GRIK2: variants seen among roughly 807,000 people sequenced by gnomAD.
The protein encoded by GRIK2 is glutamate receptor ionotropic, kainate 2.
A neutral mutation model predicts 100.3 loss-of-function variants in GRIK2; 32 were observed. The observed-to-expected ratio is 0.32, with a 90% CI of 0.24 to 0.43. The LOEUF is 0.43. GRIK2 is among the 20% of genes least tolerant of loss of function. GRIK2 has a pLI of 1.00. For missense variants in GRIK2, 843 were observed against 1,114.9 expected (o/e 0.76, Z 3.47); for synonymous variants, 417 against 389.4 (o/e 1.07, Z -0.83).
intron 2 of GRIK2, among the ~76,000 whole-genome samples, chr6:101,596,516 T>C (rs1396391284): frequency 6.6e-6 from 1 of 151,688 alleles, no homozygotes; most frequent in East Asian, 1.9e-4. Flanking sequence ...AATCAAGAGA[T>C]AGTCAAAATG....
At chr6:101,967,662 T>G (rs1266532844) in intron 14 of GRIK2, among the ~76,000 whole-genome samples, 1 of 152,022 alleles carries the variant, frequency 6.6e-6, no homozygotes, top group Non-Finnish European at 1.5e-5. Flanking sequence ...TATCAGGTGT[T>G]TTCCTTCCCA....
At chr6:101,882,012 G>C (rs181239498) in intron 11 of GRIK2, among the ~76,000 whole-genome samples, 4 of 152,046 alleles carry the variant, frequency 2.6e-5, no homozygotes, top group South Asian at 2.1e-4. Flanking sequence ...AAGGCAAAAG[G>C]CATGTCTCAC....
intron 15 of GRIK2, among the ~76,000 whole-genome samples, chr6:102,042,009 A>C (rs1168381897): frequency 6.6e-6 from 1 of 151,642 alleles, no homozygotes; most frequent in Non-Finnish European, 1.5e-5. Context: ...ACCATCAGCC[A>C]ATCAGTATAT....
chr6:101,402,752 T>C (rs896063242), intron 2 of GRIK2, among the ~76,000 whole-genome samples: 1 of 152,114 alleles, frequency 6.6e-6, no homozygotes, highest in African/African-American at 2.4e-5. Context: ...GAGCAGAGCC[T>C]GCGACTCTCC....
intron 14 of GRIK2, among the ~76,000 whole-genome samples, chr6:101,986,760 G>T (rs986589652): frequency 6.6e-6 from 1 of 151,806 alleles, no homozygotes; most frequent in Non-Finnish European, 1.5e-5. Context: ...GCCTGAAACA[G>T]TCCCCAGCAC....
At chr6:101,532,155 C>T (rs1190554812) in intron 2 of GRIK2, among the ~76,000 whole-genome samples, 4 of 151,948 alleles carry the variant, frequency 2.6e-5, no homozygotes, top group Admixed American at 6.6e-5. Context: ...CTTCCACTTA[C>T]TGCTCCAACT....
intron 9 of GRIK2, among the ~76,000 whole-genome samples, chr6:101,804,685 C>T (rs1299142357): frequency 6.6e-6 from 1 of 151,848 alleles, no homozygotes; most frequent in Non-Finnish European, 1.5e-5. Context: ...AATAAACTGG[C>T]ATAAACCTTC....
At chr6:102,044,342 C>T (rs1770762486) in intron 15 of GRIK2, among the ~76,000 whole-genome samples, 1 of 151,910 alleles carries the variant, frequency 6.6e-6, no homozygotes, top group African/African-American at 2.4e-5. Flanking sequence ...CATGCAATCC[C>T]TTTCTTTTAC....
chr6:101,631,061 G>A (rs1162583159), intron 4 of GRIK2, among the ~76,000 whole-genome samples: 1 of 152,030 alleles, frequency 6.6e-6, no homozygotes, highest in East Asian at 1.9e-4. Context: ...GATGTTAACA[G>A]GAGCTATTTA....
intron 10 of GRIK2, among the ~76,000 whole-genome samples, chr6:101,827,012 C>T (rs2128426079): frequency 6.6e-6 from 1 of 152,030 alleles, no homozygotes; most frequent in East Asian, 1.9e-4. Flanking sequence ...TATTACTTTT[C>T]AGGGAGAAAG....
chr6:101,420,130 A>G (rs563631330), intron 2 of GRIK2, among the ~76,000 whole-genome samples: 71 of 152,300 alleles, frequency 4.7e-4, no homozygotes, highest in African/African-American at 1.7e-3. Context: ...ATATTATCCA[A>G]TCCTCAGAGC....
chr6:101,699,866 G>A (rs985792176), intron 7 of GRIK2, among the ~76,000 whole-genome samples: 1 of 152,072 alleles, frequency 6.6e-6, no homozygotes, highest in Non-Finnish European at 1.5e-5. Flanking sequence ...CTACACCAAA[G>A]CCGGGCTTGG....
chr6:101,429,082 T>G lies in GRIK2; in HGVS notation c.115+29690T>G, dbSNP rs181198256. 4.3e-3 allele frequency among the ~76,000 whole-genome samples: 657 copies of G among 152,330 alleles called. 1 individual carries two copies. The highest frequency in any genetic ancestry group is 6.7e-3 in the Non-Finnish European group (458 of 68,032). On this transcript the variant is annotated intron_variant, in intron 2 of 16. Transcript: ENST00000369134. Reference sequence around the variant, plus strand: ...AAACATTGTGTGTTTTGCAATCTAATTATATGTTCTCTTGGGAATAGCAAA... The same window carrying G: ...AAACATTGTGTGTTTTGCAATCTAAGTATATGTTCTCTTGGGAATAGCAAA...
rs76425197 is a variant in GRIK2, at chr6:101,742,496, A to G, written c.951+56143A>G. 3.4e-3 allele frequency among the ~76,000 whole-genome samples: 514 copies of G among 152,258 alleles called. 24 individuals carry two copies. In the East Asian group the frequency reaches 0.093, roughly 27 times the overall value. ...ACAGCCCTTAAGAGGTCCTGAGAAC[A>G]CGTCCTCAAGGTGGTCGGGGTGCAG... On this transcript the variant is annotated intron_variant, in intron 7 of 16. Transcript: ENST00000369134.
At chr6:101,879,298 T>C (rs932167935) in intron 11 of GRIK2, among the ~76,000 whole-genome samples, 2 of 152,080 alleles carry the variant, frequency 1.3e-5, no homozygotes, top group African/African-American at 2.4e-5. Flanking sequence ...TTTTAATTCA[T>C]GGTTTCTCTA....
chr6:101,771,082 C>A (rs1778370639), intron 7 of GRIK2, among the ~76,000 whole-genome samples: 1 of 151,970 alleles, frequency 6.6e-6, no homozygotes. Context: ...TATATTCCAA[C>A]TTATATGGAG....
chr6:101,486,388 G>A (rs1206935310), intron 2 of GRIK2, among the ~76,000 whole-genome samples: 1 of 131,794 alleles, frequency 7.6e-6, no homozygotes, highest in Non-Finnish European at 1.7e-5. Flanking sequence ...TGAGGGGGTG[G>A]GGCGGGGGGG....
intron 11 of GRIK2, among the ~76,000 whole-genome samples, chr6:101,875,443 A>G (rs1785757587): frequency 2.0e-5 from 3 of 151,876 alleles, no homozygotes. Context: ...GTAGACCATC[A>G]TATATCTGCT....
intron 4 of GRIK2, among the ~76,000 whole-genome samples, chr6:101,630,428 A>G (rs565064643): frequency 2.6e-4 from 39 of 152,144 alleles, no homozygotes; most frequent in African/African-American, 8.4e-4. Flanking sequence ...ATGGTATCTC[A>G]TTGAGGTTTT....
Sources: gnomAD v4.1 joint callset for allele counts (sites outside exome capture counted in the v4.1 genomes callset) on GRCh38, gnomAD v4.1.1 for gene constraint, MANE v1.5 for transcripts, NCBI Gene and HGNC (gene_info 2026-07-23, HGNC 2026-07-21) for gene names.